The following PLXDC2 variants were observed in gnomAD, a reference collection of about 807,000 sequenced individuals.
The protein encoded by PLXDC2 is plexin domain-containing protein 2.
PLXDC2 carries 40 observed loss-of-function variants against 68.9 expected under a neutral mutation model. The ratio of observed to expected loss-of-function variants is 0.58; its 90% CI spans 0.45 to 0.76. The LOEUF (loss-of-function observed/expected upper bound fraction) is 0.76. PLXDC2 is among the 30% of genes least tolerant of loss of function. The probability of loss-of-function intolerance (pLI) is 0.00; values close to 1 mark genes in which losing one functional copy is unlikely to be tolerated. For missense variants in PLXDC2, 644 were observed against 661.9 expected (o/e 0.97, Z 0.30); for synonymous variants, 243 against 234.2 (o/e 1.04, Z -0.34).
chr10:20,045,840 C>G (rs952550444), intron 2 of PLXDC2, among the ~76,000 whole-genome samples: 3 of 152,106 alleles, frequency 2.0e-5, no homozygotes, highest in Non-Finnish European at 4.4e-5. Flanking sequence ...ACTAACTCCT[C>G]AAATTGATTT....
intron 1 of PLXDC2, among the ~76,000 whole-genome samples, chr10:20,001,322 C>T (rs896368730): frequency 4.6e-5 from 7 of 152,168 alleles, no homozygotes; most frequent in Non-Finnish European, 1.0e-4. Flanking sequence ...TGCTGTCCAG[C>T]ATGAAATAAA....
At chr10:19,906,349 G>A (rs1243285908) in intron 1 of PLXDC2, among the ~76,000 whole-genome samples, 1 of 152,218 alleles carries the variant, frequency 6.6e-6, no homozygotes, top group Non-Finnish European at 1.5e-5. Flanking sequence ...ACGTGGGGAA[G>A]CACCAGGGTC....
rs1278789438 is a variant in PLXDC2, at chr10:19,817,163, C to G, written c.84C>G (p.Ala28=). The change falls in exon 1 of 14, where the codon GCC becomes GCG. Residue 28 remains alanine, a synonymous_variant. Transcript: ENST00000377252. ...TCTTCACGGACCAGTTTCAGTTCGC[C>G]GATGGGAAACCCGGAGACCAAATCC... ...CHFFTDQFQF[A]DGKPGDQILD... 17 of 1,573,950 alleles carry G rather than the reference C, an allele frequency of 1.1e-5. No homozygotes were observed. The highest frequency in any genetic ancestry group is 1.5e-5 in the Non-Finnish European group (17 of 1,156,514).
At chr10:20,249,108 T>C (rs1213722964) in intron 13 of PLXDC2, among the ~76,000 whole-genome samples, 2 of 152,246 alleles carry the variant, frequency 1.3e-5, no homozygotes, top group African/African-American at 4.8e-5. Flanking sequence ...CAAATAGGTA[T>C]TCTTTTTTAA....
chr10:19,984,930 G>A (rs1428520445), intron 1 of PLXDC2, among the ~76,000 whole-genome samples: 4 of 152,080 alleles, frequency 2.6e-5, no homozygotes, highest in South Asian at 4.1e-4. Flanking sequence ...TAGGAATTTC[G>A]GTTGTATAAC....
At chr10:20,109,226 C>T (rs2358841) in intron 4 of PLXDC2, among the ~76,000 whole-genome samples, 55,756 of 152,088 alleles carry the variant, frequency 0.37, 13,359 homozygotes, top group Non-Finnish European at 0.55. Flanking sequence ...TGAGTTTTCA[C>T]CCTCTTGTTG....
intron 4 of PLXDC2, among the ~76,000 whole-genome samples, chr10:20,088,928 T>C (rs1012725007): frequency 2.5e-4 from 38 of 152,324 alleles, no homozygotes; most frequent in African/African-American, 8.7e-4. Context: ...ATTTTGCATT[T>C]GACCTTGTCT....
intron 13 of PLXDC2, among the ~76,000 whole-genome samples, chr10:20,263,149 C>T (rs1309456101): frequency 2.0e-5 from 3 of 152,120 alleles, no homozygotes; most frequent in Non-Finnish European, 4.4e-5. Flanking sequence ...GGTACTGATA[C>T]AAAAATAGGC....
intron 1 of PLXDC2, among the ~76,000 whole-genome samples, chr10:19,977,760 C>T (rs939617020): frequency 6.6e-6 from 1 of 152,030 alleles, no homozygotes; most frequent in East Asian, 1.9e-4. Context: ...GGGGAAATCT[C>T]ATGTGTCTTT....
intron 12 of PLXDC2, among the ~76,000 whole-genome samples, chr10:20,239,269 A>G (rs568384068): frequency 6.6e-6 from 1 of 152,302 alleles, no homozygotes; most frequent in South Asian, 2.1e-4. Flanking sequence ...TTAAGACTAG[A>G]TTCCTTCTCA....
intron 1 of PLXDC2, among the ~76,000 whole-genome samples, chr10:19,846,291 CA>C (rs1434806184): frequency 6.6e-6 from 1 of 152,032 alleles, no homozygotes; most frequent in African/African-American, 2.4e-5. Context: ...AGGAAAAGAG[CA>C]TTATTTTTCT....
intron 12 of PLXDC2, among the ~76,000 whole-genome samples, chr10:20,224,895 G>A (rs768455033): frequency 1.3e-5 from 2 of 152,148 alleles, no homozygotes; most frequent in Non-Finnish European, 2.9e-5. Context: ...CCAGGTGACA[G>A]CATTTTTATC....
At chr10:20,012,369 G>A (rs1835134960) in intron 2 of PLXDC2, among the ~76,000 whole-genome samples, 2 of 127,266 alleles carry the variant, frequency 1.6e-5, no homozygotes, top group South Asian at 5.3e-4. Flanking sequence ...CCAGGCTGGA[G>A]TGCAGTGGCG....
chr10:19,954,520 A>G (rs943964894), intron 1 of PLXDC2, among the ~76,000 whole-genome samples: 2 of 152,226 alleles, frequency 1.3e-5, no homozygotes, highest in African/African-American at 4.8e-5. Flanking sequence ...TATATTGTCT[A>G]TATAGGACTT....
chr10:20,228,426 G>A (rs1182045892), intron 12 of PLXDC2, among the ~76,000 whole-genome samples: 1 of 152,030 alleles, frequency 6.6e-6, no homozygotes, highest in Non-Finnish European at 1.5e-5. Flanking sequence ...GCAAGACATG[G>A]TGGCACACAC....
chr10:19,933,920 A>G (rs1482714706), intron 1 of PLXDC2, among the ~76,000 whole-genome samples: 1 of 152,048 alleles, frequency 6.6e-6, no homozygotes, highest in Non-Finnish European at 1.5e-5. Context: ...AGAGAAAGGA[A>G]GGAAGGACAG....
chr10:19,862,408 G>T (rs1049965712), intron 1 of PLXDC2, among the ~76,000 whole-genome samples: 2 of 152,060 alleles, frequency 1.3e-5, no homozygotes, highest in African/African-American at 4.8e-5. Context: ...TTTATTAAGT[G>T]CTCACTATTT....
intron 13 of PLXDC2, among the ~76,000 whole-genome samples, chr10:20,276,244 A>G (rs1836005585): frequency 6.6e-6 from 1 of 152,162 alleles, no homozygotes; most frequent in Non-Finnish European, 1.5e-5. Flanking sequence ...ATCTAACCCA[A>G]CACAAAACCC....
intron 4 of PLXDC2, among the ~76,000 whole-genome samples, chr10:20,110,930 A>T (rs1000818261): frequency 6.6e-6 from 1 of 151,942 alleles, no homozygotes; most frequent in African/African-American, 2.4e-5. Flanking sequence ...GTCACCTCAC[A>T]CTTGTACTAC....
Sources: allele counts gnomAD v4.1 joint callset (sites outside exome capture counted in the v4.1 genomes callset), GRCh38; gene constraint gnomAD v4.1.1; transcripts MANE v1.5; gene names NCBI Gene and HGNC (gene_info 2026-07-23, HGNC 2026-07-21).